The following ZNF521 variants were observed in gnomAD, a reference collection of about 807,000 sequenced individuals.
The protein encoded by ZNF521 is zinc finger protein 521.
Under a neutral mutation model 105.5 loss-of-function variants are expected in ZNF521, and 14 were observed. The ratio of observed to expected loss-of-function variants is 0.13; its 90% CI spans 0.09 to 0.21. The LOEUF (loss-of-function observed/expected upper bound fraction) is 0.21. ZNF521 is among the 10% of genes least tolerant of loss of function. ZNF521 has a pLI of 1.00. For synonymous variants in ZNF521, 635 were observed against 606.0 expected, an observed-to-expected ratio of 1.05 and a Z score of -0.70; for missense variants, 1,233 against 1,629.7, an observed-to-expected ratio of 0.76 and a Z score of 4.19.
In ZNF521 at chr18:25,224,561, G is replaced by T; in HGVS notation, c.3357C>A (p.Gly1119=). 1 of 1,613,922 alleles carries T rather than the reference G, an allele frequency of 6.2e-7. No homozygotes were observed. The highest frequency in any genetic ancestry group is 1.1e-5 in the South Asian group (1 of 91,058). ...VPPGTNRPGL[G]QNENLSAIEG... ...CAATGGCACTCAGATTCTCATTCTG[G>T]CCCAAGCCTGGTCTATTCGTGCCGG... Residue 1119 remains glycine, a synonymous_variant, in exon 4 of 8, where the codon GGC becomes GGA. Coordinates refer to ENST00000361524, the MANE Select transcript of ZNF521 (RefSeq NM_015461.3).
rs558850196 is a variant in ZNF521, at chr18:25,258,124, A to G, written c.221-30427T>C. 2.6e-3 allele frequency among the ~76,000 whole-genome samples: 395 copies of G among 152,350 alleles called. 3 individuals are homozygous for G. Among genetic ancestry groups the G allele is most frequent in the African/African-American group, 8.7e-3 (362 of 41,582 alleles). On this transcript the variant is annotated intron_variant, in intron 3 of 7. Coordinates refer to ENST00000361524, the MANE Select transcript of ZNF521 (RefSeq NM_015461.3). Reference sequence around the variant, plus strand: ...ACATTATTGATAACGAGGCACTCTCATAATTGATAAGAATAATAATATTAA... The same window carrying G: ...ACATTATTGATAACGAGGCACTCTCGTAATTGATAAGAATAATAATATTAA...
Position 25,225,266 on chromosome 18 carries a change from A to G in ZNF521, c.2652T>C (p.Pro884=). Residue 884 remains proline, a synonymous_variant, in exon 4 of 8, where the codon CCT becomes CCC. Coordinates refer to ENST00000361524, the MANE Select transcript of ZNF521 (RefSeq NM_015461.3). The surrounding 1 kb of genome is among the most constrained non-coding windows in gnomAD (Gnocchi z 5.6). ...GSEEDVDTSE[P]MYGCDICGAA... ...CCCCACAAATGTCGCAGCCGTACAT[A>G]GGCTCAGAGGTGTCAACGTCTTCTT... 6.2e-7 allele frequency: 1 copy of G among 1,614,164 alleles called. No homozygotes were observed. The highest frequency in any genetic ancestry group is 1.1e-5 in the South Asian group (1 of 91,074).
intron 2 of ZNF521, among the ~76,000 whole-genome samples, chr18:25,343,404 C>T (rs35855556): frequency 0.46 from 69,903 of 152,052 alleles, 16,385 homozygotes; most frequent in Middle Eastern, 0.51. Flanking sequence ...GCATTTCCTA[C>T]AGAAGGTTTA....
intron 4 of ZNF521, among the ~76,000 whole-genome samples, chr18:25,209,334 A>G (rs929107308): frequency 4.0e-5 from 6 of 151,808 alleles, no homozygotes; most frequent in Admixed American, 6.6e-5. Context: ...GTTTCACCAT[A>G]TTGGCCAGGC....
chr18:25,254,997 A>G (rs549323423), intron 3 of ZNF521, among the ~76,000 whole-genome samples: 69 of 152,270 alleles, frequency 4.5e-4, no homozygotes, highest in African/African-American at 1.4e-3. Context: ...TAAAATAGCA[A>G]TTTGTCTTAC....
At chr18:25,141,591 T>C (rs1167246937) in intron 5 of ZNF521, among the ~76,000 whole-genome samples, 2 of 152,182 alleles carry the variant, frequency 1.3e-5, no homozygotes, top group East Asian at 1.9e-4. Context: ...GAAGCCTGTG[T>C]GTACTTTTAC....
At chr18:25,193,799 G>A (rs2035857589) in intron 5 of ZNF521, among the ~76,000 whole-genome samples, 2 of 151,846 alleles carry the variant, frequency 1.3e-5, no homozygotes, top group South Asian at 4.1e-4. Flanking sequence ...GAGAAATCAC[G>A]AATAATATTA....
intron 5 of ZNF521, among the ~76,000 whole-genome samples, chr18:25,103,810 G>C (rs1340683648): frequency 6.7e-6 from 1 of 150,112 alleles, no homozygotes; most frequent in Non-Finnish European, 1.5e-5. Flanking sequence ...GAGGGAGGGA[G>C]GGAAGGAGGA....
Position 25,062,648 on chromosome 18 carries a change from A to G in ZNF521, c.*64T>C, listed in dbSNP as rs1390456244. On this transcript the variant is annotated 3_prime_UTR_variant, in exon 8 of 8. Transcript: ENST00000361524. The stretch of plus-strand genomic sequence containing the variant: ...ACATTAACAATGAAAGTTTCGTGCA[A>G]AGAGTAAAACATGTTCCCTTTTTGT... The G allele has an allele frequency of 5.7e-6, 9 of 1,565,614 alleles. No individual in the cohort carries two copies. The highest frequency in any genetic ancestry group is 1.2e-5 in the South Asian group (1 of 84,144).
At chr18:25,321,309 G>C (rs1172738350) in intron 3 of ZNF521, among the ~76,000 whole-genome samples, 1 of 152,166 alleles carries the variant, frequency 6.6e-6, no homozygotes, top group East Asian at 1.9e-4. Flanking sequence ...GGTAAACTGA[G>C]TCCCAGTTTT....
rs774317201 is a variant in ZNF521 at position 25,352,053 on chromosome 18, G to A, written c.-50C>T. The A allele has an allele frequency of 2.0e-5, 10 of 497,842 alleles. No individual in the cohort carries two copies. The highest frequency in any genetic ancestry group is 3.6e-5 in the Non-Finnish European group (9 of 247,874). The allele number at this position is 497,842 out of a possible 1,614,324, so 30.8% of individuals were successfully genotyped here. On this transcript the variant is annotated 5_prime_UTR_variant, in exon 1 of 8. Transcript: ENST00000361524. ...TCGCTCCGGTAGTCCACATAATAATGGAAAATGGAAGCAAGGCCCCCAAAG... is the reference window on the plus strand; with the variant it reads ...TCGCTCCGGTAGTCCACATAATAATAGAAAATGGAAGCAAGGCCCCCAAAG...
chr18:25,165,200 A>C (rs2035317031), intron 5 of ZNF521, among the ~76,000 whole-genome samples: 1 of 152,202 alleles, frequency 6.6e-6, no homozygotes, highest in African/African-American at 2.4e-5. Flanking sequence ...TATTCAGGTA[A>C]GCAATTCAGC....
At chr18:25,197,214 T>G (rs952390596) in intron 4 of ZNF521, among the ~76,000 whole-genome samples, 1 of 151,918 alleles carries the variant, frequency 6.6e-6, no homozygotes, top group South Asian at 2.1e-4. Flanking sequence ...TAAAATACTA[T>G]GTTATATTTT....
At chr18:25,131,278 G>C (rs910268429) in intron 5 of ZNF521, among the ~76,000 whole-genome samples, 3 of 152,062 alleles carry the variant, frequency 2.0e-5, no homozygotes, top group Admixed American at 6.6e-5. Flanking sequence ...TCCTTGGCAT[G>C]GCATACAAGG....
At chr18:25,299,450 G>C (rs1911503778) in intron 3 of ZNF521, among the ~76,000 whole-genome samples, 2 of 152,174 alleles carry the variant, frequency 1.3e-5, no homozygotes, top group Admixed American at 6.5e-5. Flanking sequence ...GAAAATTCAA[G>C]ATTATGGTAA....
intron 7 of ZNF521, among the ~76,000 whole-genome samples, chr18:25,083,613 C>T (rs1025338654): frequency 6.6e-6 from 1 of 152,136 alleles, no homozygotes; most frequent in South Asian, 2.1e-4. Context: ...TACATATCAC[C>T]TCATATAGTA....
At chr18:25,108,076 T>C (rs1310307406) in intron 5 of ZNF521, among the ~76,000 whole-genome samples, 2 of 152,242 alleles carry the variant, frequency 1.3e-5, no homozygotes. Flanking sequence ...GGAATGCATA[T>C]TAACACTTTC....
chr18:25,287,377 T>C (rs181034461), intron 3 of ZNF521, among the ~76,000 whole-genome samples: 1 of 152,352 alleles, frequency 6.6e-6, no homozygotes, highest in African/African-American at 2.4e-5. Flanking sequence ...AGAGTGTACT[T>C]ATTACAGGAC....
chr18:25,160,181 C>G (rs1178934071), intron 5 of ZNF521, among the ~76,000 whole-genome samples: 2 of 152,148 alleles, frequency 1.3e-5, no homozygotes, highest in African/African-American at 4.8e-5. Flanking sequence ...CTCTATTCGT[C>G]TTTACTGTCA....
Sources: allele counts gnomAD v4.1 joint callset (sites outside exome capture counted in the v4.1 genomes callset), GRCh38; gene constraint gnomAD v4.1.1; non-coding constraint Gnocchi (gnomAD v3.1); transcripts MANE v1.5; gene names NCBI Gene and HGNC (gene_info 2026-07-23, HGNC 2026-07-21).